CCDC13: variants seen among roughly 807,000 people sequenced by gnomAD.
CCDC13 encodes the protein coiled-coil domain-containing protein 13.
CCDC13 carries 70 observed loss-of-function variants against 87.3 expected under a neutral mutation model. That is an observed-to-expected ratio of 0.80 (90% CI 0.66 to 0.98). The LOEUF is 0.98. Among genes scored for constraint, CCDC13 ranks in the 50% least tolerant of loss-of-function variants. The pLI is 0.00. For missense variants in CCDC13, 842 were observed against 892.0 expected (o/e 0.94, Z 0.71); for synonymous variants, 317 against 360.3 (o/e 0.88, Z 1.36).
intron 5 of CCDC13, chr3:42,749,826 CT>C: frequency 2.2e-6 from 1 of 456,068 alleles, no homozygotes. Flanking sequence ...ACATCACGGC[CT>C]CCTGAAGCCC....
chr3:42,761,824 T>C (rs141714982), intron 1 of CCDC13, among the ~76,000 whole-genome samples: 1 of 152,300 alleles, frequency 6.6e-6, no homozygotes, highest in Non-Finnish European at 1.5e-5. Context: ...CCTCTGTTCC[T>C]ATACCTCCTT....
intron 1 of CCDC13, among the ~76,000 whole-genome samples, chr3:42,764,734 C>A (rs558641718): frequency 6.6e-6 from 1 of 152,290 alleles, no homozygotes; most frequent in Admixed American, 6.5e-5. Flanking sequence ...GCCTCCCCAT[C>A]CCAGCCCTTT....
intron 10 of CCDC13, 21 bp downstream of exon 10, chr3:42,735,686 C>T (rs565579778): frequency 3.0e-5 from 48 of 1,610,316 alleles, no homozygotes; most frequent in South Asian, 2.4e-4. Context: ...TGGGTTTGGG[C>T]GCTGCCAGTG....
chr3:42,745,767 A>G (rs1342509823), intron 7 of CCDC13, 156 bp downstream of exon 7: 1 of 525,140 alleles, frequency 1.9e-6, no homozygotes, highest in Admixed American at 3.1e-5. Context: ...CTGGTTGGCG[A>G]GAAGGTAAAA....
chr3:42,725,570 C>T (rs1388341650), intron 13 of CCDC13, among the ~76,000 whole-genome samples: 1 of 146,672 alleles, frequency 6.8e-6, no homozygotes, highest in Non-Finnish European at 1.5e-5. Flanking sequence ...TAATATCCAT[C>T]TACAAGTTCA....
intron 1 of CCDC13, among the ~76,000 whole-genome samples, chr3:42,766,532 C>A (rs1699935916): frequency 6.7e-6 from 1 of 149,592 alleles, no homozygotes; most frequent in Non-Finnish European, 1.5e-5. Flanking sequence ...ATTCTCAGAT[C>A]TTCCTCTCAC....
chr3:42,732,774 T>C (rs973100459), intron 12 of CCDC13, 113 bp downstream of exon 12: 9 of 861,230 alleles, frequency 1.0e-5, no homozygotes, highest in Non-Finnish European at 7.4e-6. Context: ...CTTGGAAGAG[T>C]CCCTGGACTT....
intron 8 of CCDC13, 138 bp from the exon 9 acceptor site, chr3:42,739,948 G>T: frequency 1.3e-6 from 1 of 768,970 alleles, no homozygotes; most frequent in Non-Finnish European, 2.1e-6. Flanking sequence ...CAAGTCACTA[G>T]AGCCAGGGCC....
chr3:42,728,851 G>A (rs1318958987), intron 13 of CCDC13, among the ~76,000 whole-genome samples: 2 of 152,192 alleles, frequency 1.3e-5, no homozygotes, highest in Non-Finnish European at 2.9e-5. Flanking sequence ...CAGCATATTC[G>A]CAGACAGAGA....
At chr3:42,710,041 GGTGGTTCCTCACCACCCT>G (rs1698271387) in intron 14 of CCDC13, among the ~76,000 whole-genome samples, 1 of 151,972 alleles carries the variant, frequency 6.6e-6, no homozygotes, top group African/African-American at 2.4e-5. Flanking sequence ...TTTGTACCAG[GGTGGTTCCTCACCACCCT>G]GTCTCCATCT....
At chr3:42,715,468 C>T (rs1210947011) in intron 13 of CCDC13, among the ~76,000 whole-genome samples, 1 of 151,874 alleles carries the variant, frequency 6.6e-6, no homozygotes, top group Non-Finnish European at 1.5e-5. Context: ...AAAAATAAGC[C>T]TGGCACGGTG....
At chr3:42,717,934 G>A (rs1481469184) in intron 13 of CCDC13, 2 of 152,196 alleles carry the variant, frequency 1.3e-5, no homozygotes, top group Admixed American at 1.3e-4. Flanking sequence ...GTTCAGGTAT[G>A]TTACCCAGCT....
At chr3:42,743,559 A>G (rs1274351542) in intron 7 of CCDC13, among the ~76,000 whole-genome samples, 1 of 142,088 alleles carries the variant, frequency 7.0e-6, no homozygotes, top group African/African-American at 2.6e-5. Flanking sequence ...CTGGGACCAC[A>G]GGCACAGGCA....
In CCDC13 at chr3:42,758,262, C is replaced by A. The variant is rs1238607000; in HGVS notation, c.84G>T (p.Lys28Asn). 6.2e-7 allele frequency: 1 copy of A among 1,613,652 alleles called. No individual in the cohort carries two copies. The highest frequency in any genetic ancestry group is 8.5e-7 in the Non-Finnish European group (1 of 1,180,040). The change falls in exon 2 of 16, where the codon AAG becomes AAT. Residue 28 changes from lysine (K) to asparagine (N), a missense_variant. Coordinates refer to ENST00000310232, the MANE Select transcript of CCDC13 (RefSeq NM_144719.4). ...CTTTTTCCCTCTTTTTCTCCATCTG[C>A]TTCTGTAACCGTTTGTGCTGCATCT... is the stretch of plus-strand genomic sequence containing the variant. The part of the protein sequence containing the change: ...MQEMQHKRLQ[K>N]QMEKKREKEL...
intron 1 of CCDC13, chr3:42,770,902 T>A (rs1700067398): frequency 6.6e-6 from 1 of 152,124 alleles, no homozygotes; most frequent in Non-Finnish European, 1.5e-5. Context: ...CATCTTGACA[T>A]CAGAAGGAAG....
chr3:42,726,003 G>C (rs572530165), intron 13 of CCDC13, among the ~76,000 whole-genome samples: 5 of 152,286 alleles, frequency 3.3e-5, no homozygotes, highest in Admixed American at 1.3e-4. Context: ...TGTAATGAAA[G>C]AACAAATGCT....
intron 12 of CCDC13, 45 bp downstream of exon 12, chr3:42,732,842 A>G: frequency 1.3e-6 from 2 of 1,506,500 alleles, no homozygotes; most frequent in Non-Finnish European, 1.8e-6. Flanking sequence ...TGAGCAATCA[A>G]GAATGGGAAA....
At position 42,735,923 on chromosome 3, in the gene CCDC13, C is replaced by G. The variant is rs762566507; in HGVS notation, c.1165-10G>C. 5.0e-6 allele frequency: 8 copies of G among 1,610,618 alleles called. No homozygotes were observed. The African/African-American group carries it at 6.7e-5, about 13-fold the overall frequency. ...GCTGCTTCAGCTGGTCCTGGGGGGC[C>G]AGGCAGGAGGGCAGGTGGAGTCAGT... On this transcript the variant is annotated splice_polypyrimidine_tract_variant and intron_variant, in intron 9 of 15. Coordinates refer to ENST00000310232, the MANE Select transcript of CCDC13 (RefSeq NM_144719.4).
chr3:42,726,809 T>C (rs1698700162), intron 13 of CCDC13, among the ~76,000 whole-genome samples: 1 of 152,040 alleles, frequency 6.6e-6, no homozygotes, highest in Non-Finnish European at 1.5e-5. Flanking sequence ...TACATATGTG[T>C]GTGTGTATAC....
Sources: allele counts gnomAD v4.1 joint callset (sites outside exome capture counted in the v4.1 genomes callset), GRCh38; gene constraint gnomAD v4.1.1; transcripts MANE v1.5; gene names NCBI Gene and HGNC (gene_info 2026-07-23, HGNC 2026-07-21).